Variants in HTT observed in about 807,000 individuals in gnomAD.
HTT encodes huntingtin, also known as huntington disease protein.
HTT carries 104 observed loss-of-function variants against 362.3 expected under a neutral mutation model. The observed-to-expected ratio is 0.29, with a 90% CI of 0.24 to 0.34. The LOEUF (loss-of-function observed/expected upper bound fraction) is 0.34, where lower values mean the gene tolerates loss of function less well. HTT is among the 10% of genes least tolerant of loss of function. The probability of loss-of-function intolerance (pLI) is 1.00; values close to 1 mark genes in which losing one functional copy is unlikely to be tolerated. For missense variants in HTT, 3,301 were observed against 3,928.6 expected, an observed-to-expected ratio of 0.84 and a Z score of 4.27; for synonymous variants, 1,577 against 1,548.7, an observed-to-expected ratio of 1.02 and a Z score of -0.43.
intron 14 of HTT, among the ~76,000 whole-genome samples, chr4:3,130,926 T>G (rs1578522161): frequency 6.6e-6 from 1 of 152,146 alleles, no homozygotes; most frequent in East Asian, 1.9e-4. Flanking sequence ...TTCCCCAGGC[T>G]GTTGCCTTTC....
chr4:3,233,309 G>T lies in HTT; in HGVS notation c.8412G>T (p.Pro2804=), dbSNP rs71608259. 6.2e-7 allele frequency: 1 copy of T among 1,608,754 alleles called. No individual in the cohort carries two copies. The highest frequency in any genetic ancestry group is 1.3e-5 in the African/African-American group (1 of 75,000). The change falls in exon 61 of 67, where the codon CCG becomes CCT. Residue 2804 remains proline (P), a synonymous_variant. Coordinates refer to ENST00000355072, the MANE Select transcript of HTT (RefSeq NM_001388492.1). Reference sequence around the variant, plus strand: ...ACGACACTGCCAAGCAGCTCATCCCGGTCATCAGCGACTATCTCCTCTCCA... The same window carrying T: ...ACGACACTGCCAAGCAGCTCATCCCTGTCATCAGCGACTATCTCCTCTCCA... The part of the protein sequence containing the change: ...LLDDTAKQLI[P]VISDYLLSNL...
intron 50 of HTT, 29 bp from the exon 51 acceptor site, chr4:3,215,081 T>G: frequency 6.5e-7 from 1 of 1,547,372 alleles, no homozygotes; most frequent in South Asian, 1.1e-5. Context: ...TGTGTAGAAA[T>G]TCTTCTCTTT....
Position 3,218,632 on chromosome 4 carries a change from C to CA in HTT, c.7242+692dup, listed in dbSNP as rs1411455024. 3.4e-3 allele frequency among the ~76,000 whole-genome samples: 465 copies of CA among 136,172 alleles called. 1 individual carries two copies. The highest frequency in any genetic ancestry group is 0.033 in the East Asian group (157 of 4,764). 89.3% of individuals were successfully genotyped at this position (136,172 alleles called of 152,430 possible). A position where few individuals can be genotyped will look rare whatever the true frequency, so the allele number is the denominator to read the frequency against. On this transcript the variant is annotated intron_variant, in intron 52 of 66. Coordinates refer to ENST00000355072, the MANE Select transcript of HTT (RefSeq NM_001388492.1). The surrounding 1 kb of genome is among the most constrained non-coding windows in gnomAD (Gnocchi z 4.4). The stretch of plus-strand genomic sequence containing the variant: ...TGGGCAACAGAGCAAGACTCCGTCT[C>CA]AAAAAAAAAAAAGGTAGGTGTTATT...
At chr4:3,161,128 G>A (rs1314611832) in intron 29 of HTT, among the ~76,000 whole-genome samples, 2 of 152,072 alleles carry the variant, frequency 1.3e-5, no homozygotes, top group South Asian at 2.1e-4. Flanking sequence ...GTGCCCATGT[G>A]TTCTCATTGT....
At chr4:3,224,647 A>C (rs952625086) in intron 56 of HTT, among the ~76,000 whole-genome samples, 1 of 152,218 alleles carries the variant, frequency 6.6e-6, no homozygotes, top group Admixed American at 6.5e-5. Flanking sequence ...CACCTGGTTT[A>C]AAAGAAGAGA....
rs1719842369 is a variant in HTT, at chr4:3,206,133, T to C, written c.5719-363T>C. Among the ~76,000 whole-genome samples the C allele has an allele frequency of 6.6e-6, 1 of 152,250 alleles. No homozygotes were observed. The highest frequency in any genetic ancestry group is 2.4e-5 in the African/African-American group (1 of 41,468). On this transcript the variant is annotated intron_variant, in intron 42 of 66. Transcript: ENST00000355072. The surrounding 1 kb of genome is among the most constrained non-coding windows in gnomAD (Gnocchi z 4.6). Reference sequence around the variant, plus strand: ...GCCCGGGAGAGGGCAGGCAGTGCTGTGGATGGGGTCATCCCAGCGCAACGC... The same window carrying C: ...GCCCGGGAGAGGGCAGGCAGTGCTGCGGATGGGGTCATCCCAGCGCAACGC...
intron 57 of HTT, among the ~76,000 whole-genome samples, chr4:3,226,135 T>TG (rs1467550074): frequency 2.6e-5 from 4 of 151,192 alleles, no homozygotes; most frequent in East Asian, 1.9e-4. Flanking sequence ...GGCCATGGTA[T>TG]GGGGGGCCGC....
intron 40 of HTT, 75 bp from the exon 41 acceptor site, chr4:3,199,657 G>A: frequency 1.5e-6 from 2 of 1,336,260 alleles, no homozygotes; most frequent in Non-Finnish European, 1.1e-6. Flanking sequence ...TCATTTTTAT[G>A]TAAAATCTTC....
intron 60 of HTT, among the ~76,000 whole-genome samples, chr4:3,231,363 C>T (rs1282984611): frequency 3.9e-5 from 6 of 152,090 alleles, no homozygotes; most frequent in Admixed American, 1.3e-4. Context: ...TCACTCCAGC[C>T]GCTAACATTT....
chr4:3,078,822 C>T (rs1712714922), intron 1 of HTT, among the ~76,000 whole-genome samples: 1 of 151,906 alleles, frequency 6.6e-6, no homozygotes, highest in Non-Finnish European at 1.5e-5. Flanking sequence ...GCAAGCTCCG[C>T]TTCCCGAGTT....
intron 2 of HTT, among the ~76,000 whole-genome samples, chr4:3,089,516 G>A (rs192566800): frequency 3.7e-4 from 56 of 152,326 alleles, no homozygotes; most frequent in African/African-American, 1.3e-3. Context: ...GCCTCCCAAA[G>A]TGCTGGGATT....
chr4:3,100,258 A>G (rs1192888207), intron 3 of HTT, among the ~76,000 whole-genome samples: 1 of 152,120 alleles, frequency 6.6e-6, no homozygotes, highest in Non-Finnish European at 1.5e-5. Context: ...ATGTGTGAGG[A>G]CTAATTGCCA....
chr4:3,074,935 A>ACC lies in HTT; in HGVS notation c.110_111insCC (p.Gln37HisfsTer65). The ACC allele has an allele frequency of 8.0e-7, 1 of 1,242,510 alleles. No homozygotes were observed. The highest frequency in any genetic ancestry group is 1.9e-5 in the African/African-American group (1 of 53,488). The allele number at this position is 1,242,510 out of a possible 1,614,324, so 77.0% of individuals were successfully genotyped here. A position where few individuals can be genotyped will look rare whatever the true frequency, so the allele number is the denominator to read the frequency against. On this transcript the variant is annotated frameshift_variant, in exon 1 of 67. Transcript: ENST00000355072. LOFTEE classifies it high-confidence loss of function. Reference sequence around the variant, plus strand: ...CAGCAGCAGCAGCAGCAGCAGCAGCAACAGCCGCCACCGCCGCCGCCGCCG... The same window carrying ACC: ...CAGCAGCAGCAGCAGCAGCAGCAGCACCACAGCCGCCACCGCCGCCGCCGCCG...
chr4:3,155,521 G>A (rs1324880176), intron 27 of HTT, among the ~76,000 whole-genome samples: 3 of 151,070 alleles, frequency 2.0e-5, no homozygotes, highest in South Asian at 2.1e-4. Flanking sequence ...CACTGTACCC[G>A]GCCTATTTAT....
chr4:3,179,704 C>A (rs559567070), intron 35 of HTT, among the ~76,000 whole-genome samples: 1 of 136,078 alleles, frequency 7.3e-6, no homozygotes, highest in South Asian at 2.4e-4. Context: ...TGTGTGTGCT[C>A]ATGTGTGTGC....
intron 8 of HTT, among the ~76,000 whole-genome samples, chr4:3,118,321 C>T (rs961967818): frequency 6.6e-6 from 1 of 152,116 alleles, no homozygotes; most frequent in Non-Finnish European, 1.5e-5. Flanking sequence ...GCTGCTTGAT[C>T]ATAAAAGTTT....
chr4:3,132,894 G>A lies in HTT; in HGVS notation c.2476G>A (p.Ala826Thr). Reference protein sequence around the residue: ...KDESSVTCKLACTAVRNCVMS... With the variant: ...KDESSVTCKLTCTAVRNCVMS... ...TGAGTCTTCTGTTACTTGCAAGTTA[G>A]CTTGTACAGCTGTGAGGGTGAGCAT... is the stretch of plus-strand genomic sequence containing the variant. Residue 826 changes from alanine (A) to threonine (T), a missense_variant, in exon 18 of 67, where the codon GCT becomes ACT. Physicochemically the swap from Ala to Thr is moderately conservative, Grantham distance 58. This residue lies in a region of HTT where 2,316 missense variants were observed against 2,658.5 expected (regional missense o/e 0.87). Transcript: ENST00000355072. 1 of 1,612,488 alleles carries A rather than the reference G, an allele frequency of 6.2e-7. No individual in the cohort carries two copies. The highest frequency in any genetic ancestry group is 8.5e-7 in the Non-Finnish European group (1 of 1,178,528).
chr4:3,074,923 AGCAG>A lies in HTT; in HGVS notation c.99_102del (p.Gln33HisfsTer67), dbSNP rs1560535015. 1.4e-3 allele frequency: 2,137 copies of A among 1,478,066 alleles called. 4 individuals are homozygous for A. Among genetic ancestry groups the A allele is most frequent in the African/African-American group, 6.9e-3 (453 of 65,244 alleles). The allele number at this position is 1,478,066 out of a possible 1,614,324, so 91.6% of individuals were successfully genotyped here. A position where few individuals can be genotyped will look rare whatever the true frequency, so the allele number is the denominator to read the frequency against. ...CAGCAGCAGCAGCAGCAGCAGCAGC[AGCAG>A]CAGCAGCAACAGCCGCCACCGCCGC... is the stretch of plus-strand genomic sequence containing the variant. On this transcript the variant is annotated frameshift_variant, in exon 1 of 67. Coordinates refer to ENST00000355072, the MANE Select transcript of HTT (RefSeq NM_001388492.1). LOFTEE classifies it high-confidence loss of function.
intron 26 of HTT, among the ~76,000 whole-genome samples, chr4:3,150,165 A>G (rs1169328447): frequency 5.3e-5 from 8 of 152,170 alleles, no homozygotes; most frequent in Non-Finnish European, 1.0e-4. Context: ...GTGCTGTTCT[A>G]GAGAGTGGCA....
Sources: allele counts gnomAD v4.1 joint callset (sites outside exome capture counted in the v4.1 genomes callset), GRCh38; gene constraint gnomAD v4.1.1; regional missense constraint gnomAD v4.1.1; non-coding constraint Gnocchi (gnomAD v3.1); transcripts MANE v1.5; gene names NCBI Gene and HGNC (gene_info 2026-07-23, HGNC 2026-07-21).